Variants in CNTNAP2 observed in about 807,000 individuals in gnomAD.
CNTNAP2 encodes the protein contactin associated protein 2.
A neutral mutation model predicts 155.2 loss-of-function variants in CNTNAP2; 98 were observed. That is an observed-to-expected ratio of 0.63 (90% CI 0.54 to 0.75). The LOEUF (loss-of-function observed/expected upper bound fraction) is 0.75, where lower values mean the gene tolerates loss of function less well. CNTNAP2 is among the 30% of genes least tolerant of loss of function. The pLI is 0.00. For missense variants in CNTNAP2, 1,727 were observed against 1,688.1 expected (o/e 1.02, Z -0.40); for synonymous variants, 651 against 631.2 (o/e 1.03, Z -0.47).
At chr7:148,160,630 A>G (rs900160834) in intron 17 of CNTNAP2, among the ~76,000 whole-genome samples, 2 of 152,110 alleles carry the variant, frequency 1.3e-5, no homozygotes, top group African/African-American at 2.4e-5. Flanking sequence ...TAAAGATGCA[A>G]TATTTTTTCC....
chr7:147,137,873 GTAGA>G (rs57215903), intron 8 of CNTNAP2, among the ~76,000 whole-genome samples: 20,067 of 139,980 alleles, frequency 0.14, 1,534 homozygotes, highest in African/African-American at 0.22. Context: ...AGATAGATAC[GTAGA>G]TAGATAGATA....
At chr7:148,340,562 T>C (rs1798210095) in intron 21 of CNTNAP2, among the ~76,000 whole-genome samples, 1 of 152,270 alleles carries the variant, frequency 6.6e-6, no homozygotes, top group African/African-American at 2.4e-5. Context: ...TGAGTCCCAC[T>C]GGCAGTGTGT....
intron 18 of CNTNAP2, among the ~76,000 whole-genome samples, chr7:148,210,164 C>A (rs1795519684): frequency 6.6e-6 from 1 of 152,190 alleles, no homozygotes; most frequent in Non-Finnish European, 1.5e-5. Flanking sequence ...TTAAAGCCCA[C>A]AGCAATGAAA....
At chr7:148,341,258 C>A (rs1178926590) in intron 21 of CNTNAP2, among the ~76,000 whole-genome samples, 1 of 147,528 alleles carries the variant, frequency 6.8e-6, no homozygotes, top group Non-Finnish European at 1.5e-5. Context: ...TGCATTTAAT[C>A]GATTCAGAGG....
intron 3 of CNTNAP2, among the ~76,000 whole-genome samples, chr7:146,934,633 A>G (rs1024556701): frequency 6.6e-6 from 1 of 152,188 alleles, no homozygotes; most frequent in Non-Finnish European, 1.5e-5. Flanking sequence ...CAAATTTTCA[A>G]CAATGGACAT....
chr7:146,974,940 A>G (rs1797878490), intron 3 of CNTNAP2, among the ~76,000 whole-genome samples: 1 of 152,318 alleles, frequency 6.6e-6, no homozygotes, highest in South Asian at 2.1e-4. Context: ...GTGAGCAGAG[A>G]TTGTCTGGGT....
intron 13 of CNTNAP2, among the ~76,000 whole-genome samples, chr7:147,655,676 T>C (rs1795516532): frequency 6.6e-6 from 1 of 152,226 alleles, no homozygotes; most frequent in Non-Finnish European, 1.5e-5. Context: ...TGTGCTGTCC[T>C]CCAAGCTTTG....
At chr7:147,904,603 G>A (rs918169795) in intron 14 of CNTNAP2, among the ~76,000 whole-genome samples, 1 of 152,138 alleles carries the variant, frequency 6.6e-6, no homozygotes, top group Non-Finnish European at 1.5e-5. Flanking sequence ...CACCTATGTA[G>A]TATGCTATTT....
chr7:147,275,936 T>A (rs1584838790), intron 8 of CNTNAP2, among the ~76,000 whole-genome samples: 1 of 151,990 alleles, frequency 6.6e-6, no homozygotes, highest in African/African-American at 2.4e-5. Flanking sequence ...GGTTTTTTTT[T>A]AATTGTTTAT....
At chr7:147,956,344 A>T (rs1377834588) in intron 14 of CNTNAP2, among the ~76,000 whole-genome samples, 2 of 151,822 alleles carry the variant, frequency 1.3e-5, no homozygotes, top group African/African-American at 4.8e-5. Flanking sequence ...CATCAATCGA[A>T]CTGTTTTCAT....
chr7:146,207,815 T>C (rs1003195538), intron 1 of CNTNAP2, among the ~76,000 whole-genome samples: 14 of 152,102 alleles, frequency 9.2e-5, no homozygotes, highest in Admixed American at 5.2e-4. Flanking sequence ...AGCGATTAGA[T>C]GAAAGTCTGC....
intron 1 of CNTNAP2, among the ~76,000 whole-genome samples, chr7:146,311,234 C>G (rs1800815501): frequency 6.6e-6 from 1 of 152,122 alleles, no homozygotes; most frequent in South Asian, 2.1e-4. Context: ...GTATATACGT[C>G]TATCTGTTTA....
At chr7:146,292,325 C>T (rs192502586) in intron 1 of CNTNAP2, among the ~76,000 whole-genome samples, 60 of 152,252 alleles carry the variant, frequency 3.9e-4, no homozygotes, top group Non-Finnish European at 6.9e-4. Context: ...CTTCCAGCTC[C>T]GTCCATGTCC....
At chr7:146,792,722 T>C (rs930059592) in intron 2 of CNTNAP2, among the ~76,000 whole-genome samples, 6 of 152,236 alleles carry the variant, frequency 3.9e-5, no homozygotes, top group African/African-American at 1.4e-4. Flanking sequence ...CAAGGCACTG[T>C]TGGTCTGAAG....
chr7:148,136,868 C>T (rs1804963104), intron 16 of CNTNAP2, among the ~76,000 whole-genome samples: 1 of 152,164 alleles, frequency 6.6e-6, no homozygotes, highest in African/African-American at 2.4e-5. Flanking sequence ...TTTATATGCG[C>T]AGTCTTTAGG....
chr7:146,433,993 T>C (rs2129117597), intron 1 of CNTNAP2, among the ~76,000 whole-genome samples: 1 of 152,292 alleles, frequency 6.6e-6, no homozygotes, highest in Middle Eastern at 3.4e-3. Flanking sequence ...TTACAGTTCT[T>C]TACTTTCTTC....
intron 15 of CNTNAP2, among the ~76,000 whole-genome samples, chr7:147,987,491 T>G (rs565223191): frequency 6.6e-6 from 1 of 152,176 alleles, no homozygotes; most frequent in East Asian, 1.9e-4. Context: ...TTAACGTGAA[T>G]GAGCTGATGC....
intron 1 of CNTNAP2, among the ~76,000 whole-genome samples, chr7:146,331,058 A>C (rs1801176583): frequency 6.6e-6 from 1 of 152,144 alleles, no homozygotes; most frequent in Non-Finnish European, 1.5e-5. Flanking sequence ...TAATCCCAGC[A>C]CTTTGGGAGG....
chr7:147,719,622 A>G (rs1224309900), intron 13 of CNTNAP2, among the ~76,000 whole-genome samples: 1 of 152,088 alleles, frequency 6.6e-6, no homozygotes, highest in African/African-American at 2.4e-5. Context: ...TGTCACTTAA[A>G]ATCTTAAATT....
Sources: gnomAD v4.1 joint callset for allele counts (sites outside exome capture counted in the v4.1 genomes callset) on GRCh38, gnomAD v4.1.1 for gene constraint, MANE v1.5 for transcripts, NCBI Gene and HGNC (gene_info 2026-07-23, HGNC 2026-07-21) for gene names.